The following C12orf54 variants were observed in gnomAD, a reference collection of about 807,000 sequenced individuals.
C12orf54 encodes the protein chromosome 12 open reading frame 54, also known as uncharacterized protein C12orf54.
C12orf54 carries 24 observed loss-of-function variants against 26.4 expected under a neutral mutation model. The ratio of observed to expected loss-of-function variants is 0.91; its 90% confidence interval spans 0.66 to 1.28. The LOEUF (loss-of-function observed/expected upper bound fraction) is 1.28. Ranked by LOEUF, C12orf54 falls within the 50% of genes most tolerant of loss-of-function variation. The probability of loss-of-function intolerance (pLI) is 0.00; values close to 1 mark genes in which losing one functional copy is unlikely to be tolerated. For missense variants in C12orf54, 154 were observed against 150.9 expected, an observed-to-expected ratio of 1.02 and a Z score of -0.11; for synonymous variants, 54 against 47.0, an observed-to-expected ratio of 1.15 and a Z score of -0.61.
the C12orf54 span, among the ~76,000 whole-genome samples, chr12:48,430,510 C>G: frequency 6.6e-6 from 1 of 152,008 alleles, no homozygotes; most frequent in African/African-American, 2.4e-5. Context: ...AGACAATTCT[C>G]AAAAGAAGAT....
chr12:48,429,370 G>A, the C12orf54 span, among the ~76,000 whole-genome samples: 102 of 152,154 alleles, frequency 6.7e-4, no homozygotes, highest in African/African-American at 2.4e-3. Context: ...TAAAGAGGGA[G>A]CCAAACTGTC....
the C12orf54 span, among the ~76,000 whole-genome samples, chr12:48,420,081 G>GTT: frequency 1.6e-4 from 24 of 148,904 alleles, no homozygotes; most frequent in Non-Finnish European, 2.7e-4. Flanking sequence ...TCCACAGTTG[G>GTT]TTTTTTTTTT....
At chr12:48,490,686 T>C in intron 5 of C12orf54, 126 bp from the exon 6 acceptor site, 8 of 1,041,968 alleles carry the variant, frequency 7.7e-6, no homozygotes, top group South Asian at 1.4e-5. Context: ...GGGAGTTCCA[T>C]GTCCAAGAAG....
At chr12:48,430,909 A>T in the C12orf54 span, among the ~76,000 whole-genome samples, 1 of 152,242 alleles carries the variant, frequency 6.6e-6, no homozygotes, top group Non-Finnish European at 1.5e-5. Flanking sequence ...AATGCCCATC[A>T]ATCAACGAGT....
intron 1 of C12orf54, among the ~76,000 whole-genome samples, chr12:48,482,933 CTCTT>C (rs1954213922): frequency 1.4e-5 from 2 of 146,004 alleles, no homozygotes; most frequent in East Asian, 2.0e-4. Flanking sequence ...CTTAGATTCT[CTCTT>C]TTTTTTTTTC....
chr12:48,466,374 C>T, the C12orf54 span, among the ~76,000 whole-genome samples: 43 of 152,120 alleles, frequency 2.8e-4, no homozygotes, highest in Non-Finnish European at 3.8e-4. Context: ...TGAAACCCAG[C>T]TCTAATAAAA....
chr12:48,457,278 T>C, the C12orf54 span, among the ~76,000 whole-genome samples: 7 of 140,688 alleles, frequency 5.0e-5, no homozygotes, highest in South Asian at 7.0e-4. Context: ...TTTTTTGTTG[T>C]TGTTGTTGGT....
the C12orf54 span, chr12:48,472,595 C>A: frequency 1.3e-6 from 2 of 1,571,022 alleles, no homozygotes; most frequent in Non-Finnish European, 1.7e-6. Flanking sequence ...TTCAAATGTG[C>A]GGTTGTGGGT....
At chr12:48,476,595 C>T in the C12orf54 span, among the ~76,000 whole-genome samples, 7 of 152,122 alleles carry the variant, frequency 4.6e-5, no homozygotes, top group Non-Finnish European at 8.8e-5. Context: ...GGGTTGCAAT[C>T]CTAGTCTCTG....
the C12orf54 span, among the ~76,000 whole-genome samples, chr12:48,470,172 T>A: frequency 1.3e-5 from 2 of 152,234 alleles, no homozygotes; most frequent in African/African-American, 4.8e-5. Context: ...GCATGTTTCT[T>A]TTTGGTAGAA....
chr12:48,417,789 G>A, the C12orf54 span, among the ~76,000 whole-genome samples: 3 of 152,026 alleles, frequency 2.0e-5, no homozygotes, highest in Non-Finnish European at 4.4e-5. Context: ...TTATATCCAT[G>A]AGTACCCAGT....
At chr12:48,460,176 G>A in the C12orf54 span, among the ~76,000 whole-genome samples, 1 of 151,176 alleles carries the variant, frequency 6.6e-6, no homozygotes, top group South Asian at 2.1e-4. Context: ...TAGGCTTACA[G>A]AGTTTATTCT....
At chr12:48,478,749 A>C (rs1263563870), upstream of C12orf54, among the ~76,000 whole-genome samples, 2 of 151,912 alleles carry the variant, frequency 1.3e-5, no homozygotes, top group Non-Finnish European at 2.9e-5. Flanking sequence ...TATGCAGCCA[A>C]AAAACACATG....
the C12orf54 span, among the ~76,000 whole-genome samples, chr12:48,453,079 G>A: frequency 5.3e-5 from 8 of 152,166 alleles, no homozygotes; most frequent in East Asian, 1.5e-3. Flanking sequence ...GCAAAGACAT[G>A]GAATCAAGCT....
intron 4 of C12orf54, chr12:48,488,276 T>C: frequency 3.4e-6 from 2 of 591,236 alleles, no homozygotes; most frequent in Non-Finnish European, 6.3e-6. Context: ...GTCTGGAGGA[T>C]TAGCGATCTG....
chr12:48,458,129 TC>T, the C12orf54 span, among the ~76,000 whole-genome samples: 1 of 152,164 alleles, frequency 6.6e-6, no homozygotes, highest in Non-Finnish European at 1.5e-5. Flanking sequence ...AGCAGAAATA[TC>T]AGAAATGCAG....
chr12:48,468,734 T>C, the C12orf54 span, among the ~76,000 whole-genome samples: 11 of 152,268 alleles, frequency 7.2e-5, no homozygotes, highest in South Asian at 1.7e-3. Context: ...TAGTACCCAA[T>C]AGGTAGTTTT....
At chr12:48,486,919 T>C (rs188999616) in intron 4 of C12orf54, among the ~76,000 whole-genome samples, 193 bp downstream of exon 4, 31 of 152,328 alleles carry the variant, frequency 2.0e-4, no homozygotes, top group African/African-American at 7.5e-4. Flanking sequence ...TGTCTGTGCA[T>C]GTTAGTGCCC....
intron 5 of C12orf54, among the ~76,000 whole-genome samples, chr12:48,490,540 T>G (rs1937764760): frequency 6.6e-6 from 1 of 152,116 alleles, no homozygotes; most frequent in South Asian, 2.1e-4. Flanking sequence ...GTGATCCCAG[T>G]TCCTGGGGAG....
Sources: allele counts gnomAD v4.1 joint callset (sites outside exome capture counted in the v4.1 genomes callset), GRCh38; gene constraint gnomAD v4.1.1; transcripts MANE v1.5; gene names NCBI Gene and HGNC (gene_info 2026-07-23, HGNC 2026-07-21).